The following DLG2 variants were observed in gnomAD, a reference collection of about 807,000 sequenced individuals.
DLG2 encodes discs large MAGUK scaffold protein 2, also known as disks large homolog 2.
DLG2 carries 45 observed loss-of-function variants against 132.5 expected under a neutral mutation model. That is an observed-to-expected ratio of 0.34 (90% CI 0.27 to 0.44). The LOEUF is 0.44. Among genes scored for constraint, DLG2 ranks in the 20% least tolerant of loss-of-function variants. The pLI, the probability that DLG2 is intolerant of heterozygous loss-of-function variation, is 1.00. For missense variants in DLG2, 1,045 were observed against 1,196.9 expected (o/e 0.87, Z 1.87); for synonymous variants, 424 against 419.6 (o/e 1.01, Z -0.13).
At chr11:83,795,925 A>G (rs980784946) in intron 17 of DLG2, among the ~76,000 whole-genome samples, 16 of 152,136 alleles carry the variant, frequency 1.1e-4, no homozygotes, top group African/African-American at 3.9e-4. Context: ...CCATTTCTGC[A>G]TTTATGCACA....
chr11:83,834,902 C>G (rs911144551), intron 16 of DLG2, among the ~76,000 whole-genome samples: 1 of 152,168 alleles, frequency 6.6e-6, no homozygotes, highest in Non-Finnish European at 1.5e-5. Flanking sequence ...TCCCAAACAT[C>G]TCAGTTCATC....
chr11:85,314,074 A>G (rs966242520), intron 3 of DLG2, among the ~76,000 whole-genome samples: 1 of 152,034 alleles, frequency 6.6e-6, no homozygotes, highest in Non-Finnish European at 1.5e-5. Flanking sequence ...GACTGCTTCT[A>G]AATTTTAGTG....
At chr11:83,562,378 A>C (rs1305499798) in intron 19 of DLG2, among the ~76,000 whole-genome samples, 2 of 152,130 alleles carry the variant, frequency 1.3e-5, no homozygotes, top group African/African-American at 4.8e-5. Flanking sequence ...TTTGATTCGC[A>C]TAAATGTCAT....
intron 3 of DLG2, among the ~76,000 whole-genome samples, chr11:85,392,127 C>T (rs1299901147): frequency 6.6e-6 from 1 of 152,028 alleles, no homozygotes; most frequent in Non-Finnish European, 1.5e-5. Context: ...ATTAGTGGCT[C>T]TGCTATACAC....
chr11:85,552,680 T>C (rs4943922), intron 3 of DLG2, among the ~76,000 whole-genome samples: 33,322 of 151,318 alleles, frequency 0.22, 4,885 homozygotes, highest in East Asian at 0.41. Context: ...AATTAGATAT[T>C]GCTGAAGAAA....
At chr11:84,697,881 A>G (rs1404449548) in intron 6 of DLG2, among the ~76,000 whole-genome samples, 1 of 151,470 alleles carries the variant, frequency 6.6e-6, no homozygotes, top group Non-Finnish European at 1.5e-5. Context: ...AGCACCATTG[A>G]AAAGCACAAG....
chr11:85,523,140 C>T (rs1565631207), intron 3 of DLG2, among the ~76,000 whole-genome samples: 1 of 152,146 alleles, frequency 6.6e-6, no homozygotes, highest in South Asian at 2.1e-4. Context: ...TTCTCCTGTG[C>T]TATTCTCATG....
intron 4 of DLG2, among the ~76,000 whole-genome samples, chr11:85,203,239 T>C (rs1391824665): frequency 2.6e-5 from 4 of 151,368 alleles, no homozygotes; most frequent in Admixed American, 1.3e-4. Context: ...ATCAATGAGA[T>C]GAAAATCTGG....
intron 8 of DLG2, among the ~76,000 whole-genome samples, chr11:84,208,897 C>A (rs1419613955): frequency 6.6e-6 from 1 of 151,786 alleles, no homozygotes; most frequent in Non-Finnish European, 1.5e-5. Context: ...GGGAAGTAAC[C>A]GATAAGCAGA....
intron 3 of DLG2, among the ~76,000 whole-genome samples, chr11:85,566,073 G>T (rs559424906): frequency 3.9e-5 from 6 of 152,218 alleles, no homozygotes; most frequent in African/African-American, 1.2e-4. Context: ...ATCACTTTGT[G>T]CTTCTGATTC....
chr11:83,868,809 A>G (rs1427986342), intron 16 of DLG2, among the ~76,000 whole-genome samples: 1 of 152,100 alleles, frequency 6.6e-6, no homozygotes, highest in African/African-American at 2.4e-5. Context: ...TGTCCCCAAC[A>G]CTACTTAGCA....
At chr11:83,751,220 C>A (rs1373693408) in intron 18 of DLG2, among the ~76,000 whole-genome samples, 1 of 152,108 alleles carries the variant, frequency 6.6e-6, no homozygotes, top group African/African-American at 2.4e-5. Context: ...TAGAGAACAG[C>A]AAGGACCTGA....
At chr11:84,663,246 TA>T (rs61687673) in intron 6 of DLG2, among the ~76,000 whole-genome samples, 21,692 of 88,904 alleles carry the variant, frequency 0.24, 1,662 homozygotes, top group East Asian at 0.29. Context: ...TATATATATA[TA>T]TATTTTTTTT....
chr11:83,691,505 C>G (rs913422662), intron 18 of DLG2, among the ~76,000 whole-genome samples: 11 of 152,162 alleles, frequency 7.2e-5, no homozygotes, highest in African/African-American at 2.7e-4. Flanking sequence ...TCTGGCTGAG[C>G]TGAAAGTGAT....
At chr11:85,582,778 C>A in intron 3 of DLG2, among the ~76,000 whole-genome samples, 1 of 134,356 alleles carries the variant, frequency 7.4e-6, no homozygotes. Context: ...TTTTTCAAAA[C>A]TCAAGGCTTT....
At chr11:84,210,557 T>A (rs906754247) in intron 8 of DLG2, among the ~76,000 whole-genome samples, 2 of 150,468 alleles carry the variant, frequency 1.3e-5, no homozygotes, top group African/African-American at 4.9e-5. Flanking sequence ...GAATCTTCAT[T>A]GCAGCTTTAT....
chr11:84,610,584 C>G (rs1308886453), intron 6 of DLG2, among the ~76,000 whole-genome samples: 1 of 152,042 alleles, frequency 6.6e-6, no homozygotes, highest in Non-Finnish European at 1.5e-5. Context: ...AAGGGGTAAG[C>G]CAATGGTGGA....
At chr11:84,225,668 T>C (rs1597851421) in intron 8 of DLG2, among the ~76,000 whole-genome samples, 2 of 152,196 alleles carry the variant, frequency 1.3e-5, no homozygotes, top group African/African-American at 4.8e-5. Flanking sequence ...CCAATGTATG[T>C]TCTTTAGAGG....
intron 6 of DLG2, among the ~76,000 whole-genome samples, chr11:84,663,755 C>G (rs2099697172): frequency 6.6e-6 from 1 of 152,150 alleles, no homozygotes; most frequent in South Asian, 2.1e-4. Flanking sequence ...CCCCTTATAT[C>G]TGGACCCTGA....
Sources: allele counts gnomAD v4.1 joint callset (sites outside exome capture counted in the v4.1 genomes callset), GRCh38; gene constraint gnomAD v4.1.1; transcripts MANE v1.5; gene names NCBI Gene and HGNC (gene_info 2026-07-23, HGNC 2026-07-21).